The following WIZ variants were observed in gnomAD, a reference collection of about 807,000 sequenced individuals.
The protein encoded by WIZ is WIZ zinc finger.
WIZ carries 25 observed loss-of-function variants against 140.2 expected under a neutral mutation model. The observed-to-expected ratio is 0.18, with a 90% CI of 0.13 to 0.25. WIZ has a LOEUF of 0.25. Among genes scored for constraint, WIZ ranks in the 10% least tolerant of loss-of-function variants. The pLI is 1.00. For synonymous variants in WIZ, 1,125 were observed against 1,154.3 expected (o/e 0.97, Z 0.51); for missense variants, 2,231 against 2,632.6 (o/e 0.85, Z 3.34).
chr19:15,440,319 G>T lies in WIZ; in HGVS notation c.675C>A (p.Thr225=). 6.6e-7 allele frequency: 1 copy of T among 1,518,712 alleles called. No homozygotes were observed. The highest frequency in any genetic ancestry group is 1.4e-5 in the African/African-American group (1 of 72,674). The allele number at this position is 1,518,712 out of a possible 1,614,324, so 94.1% of individuals were successfully genotyped here. A position where few individuals can be genotyped will look rare whatever the true frequency, so the allele number is the denominator to read the frequency against. The part of the protein sequence containing the change: ...FRRVFVPVED[T]PKTLDMAVVG... ...CCACCGCCATGTCCAGCGTCTTCGGGGTGTCTTCCACTGGCACAAACACCC... is the reference window on the plus strand; with the variant it reads ...CCACCGCCATGTCCAGCGTCTTCGGTGTGTCTTCCACTGGCACAAACACCC... The change falls in exon 4 of 13, where the codon ACC becomes ACA. Residue 225 remains threonine, a synonymous_variant. Coordinates refer to ENST00000673675, the MANE Select transcript of WIZ (RefSeq NM_001371589.1). This position sits in a 1 kb window ranked among gnomAD's most constrained non-coding sequence, Gnocchi z 6.2.
Position 15,440,642 on chromosome 19 carries a change from T to C in WIZ, c.352A>G (p.Thr118Ala). The C allele has an allele frequency of 6.5e-7, 1 of 1,529,386 alleles. No homozygotes were observed. The highest frequency in any genetic ancestry group is 1.2e-5 in the South Asian group (1 of 83,954). The allele number at this position is 1,529,386 out of a possible 1,614,324, so 94.7% of individuals were successfully genotyped here. The change falls in exon 4 of 13, where the codon ACC becomes GCC. Residue 118 changes from threonine to alanine, a missense_variant. Thr to Ala is a moderately conservative substitution (Grantham distance 58). Around this residue, in one of 15 missense-constraint regions of WIZ, gnomAD observed 307 missense variants for 294.1 expected, o/e 1.04. Coordinates refer to ENST00000673675, the MANE Select transcript of WIZ (RefSeq NM_001371589.1). The surrounding 1 kb of genome is among the most constrained non-coding windows in gnomAD (Gnocchi z 6.2). ...PPHLLGHFPG[T>A]PDGRGPWEHP... ...TCCCAGGGCCCCCGGCCATCAGGGG[T>C]ACCTGGGAAATGGCCCAGGAGATGG...
chr19:15,449,294 G>C (rs35782405), intron 1 of WIZ, among the ~76,000 whole-genome samples: 1 of 152,078 alleles, frequency 6.6e-6, no homozygotes, highest in Admixed American at 6.5e-5. Context: ...CGCTGCCCTC[G>C]GGGGCCTGGG....
At chr19:15,446,163 C>T (rs940762787) in intron 2 of WIZ, among the ~76,000 whole-genome samples, 12 of 152,180 alleles carry the variant, frequency 7.9e-5, no homozygotes, top group Non-Finnish European at 7.4e-5. Context: ...CCACATTTCT[C>T]TCTTCCCCAA....
At position 15,438,802 on chromosome 19, in the gene WIZ, C is replaced by T; in HGVS notation, c.2192G>A (p.Gly731Glu). The T allele has an allele frequency of 5.9e-6, 9 of 1,518,930 alleles. No individual in the cohort carries two copies. The highest frequency in any genetic ancestry group is 7.9e-6 in the Non-Finnish European group (9 of 1,133,458). The allele number at this position is 1,518,930 out of a possible 1,614,324, so 94.1% of individuals were successfully genotyped here. A position where few individuals can be genotyped will look rare whatever the true frequency, so the allele number is the denominator to read the frequency against. Residue 731 changes from glycine to glutamate, a missense_variant, in exon 4 of 13, where the codon GGG becomes GAG. Coordinates refer to ENST00000673675, the MANE Select transcript of WIZ (RefSeq NM_001371589.1). The stretch of plus-strand genomic sequence containing the variant: ...ATCCCCATCCAGGAGTGTGTCCAGC[C>T]CCAGCGGGCCGCCCAGCGGCGCGTC... ...LLDAPLGGPL[G>E]LDTLLDGDPA...
Position 15,440,511 on chromosome 19 carries a change from A to T in WIZ, c.483T>A (p.Ser161=). Residue 161 remains serine (S), a synonymous_variant, in exon 4 of 13, where the codon TCT becomes TCA. Coordinates refer to ENST00000673675, the MANE Select transcript of WIZ (RefSeq NM_001371589.1). The surrounding 1 kb of genome is among the most constrained non-coding windows in gnomAD (Gnocchi z 6.2). ...TMKPHAELEG[S]RRFLHHRGEP... is the part of the protein sequence containing the mutation. ...CCCCCCGGTGGTGTAAGAACCTTCT[A>T]GAGCCCTCTAGCTCAGCGTGGGGTT... is the stretch of plus-strand genomic sequence containing the variant. 6.5e-7 allele frequency: 1 copy of T among 1,536,110 alleles called. No homozygotes were observed. The highest frequency in any genetic ancestry group is 8.7e-7 in the Non-Finnish European group (1 of 1,146,888).
Position 15,431,137 on chromosome 19 carries a change from G to C in WIZ, c.2786C>G (p.Ser929Cys). The part of the protein sequence containing the change: ...ENAMVAMDLG[S>C]PSLPKKSLPV... ...CAGGCTCTTCTTAGGGAGCGAGGGAGAGCCCAAGTCCATGGCCACCATTGC... is the reference window on the plus strand; with the variant it reads ...CAGGCTCTTCTTAGGGAGCGAGGGACAGCCCAAGTCCATGGCCACCATTGC... Residue 929 changes from serine (S) to cysteine (C), a missense_variant, in exon 6 of 13, where the codon TCT (serine) becomes TGT (cysteine). By Grantham distance (112) the Ser-to-Cys change is moderately radical. Coordinates refer to ENST00000673675, the MANE Select transcript of WIZ (RefSeq NM_001371589.1). 1.3e-6 allele frequency: 2 copies of C among 1,535,348 alleles called. No homozygotes were observed. Among genetic ancestry groups the C allele is most frequent in the Non-Finnish European group, 1.7e-6 (2 of 1,146,484 alleles).
At position 15,439,982 on chromosome 19, in the gene WIZ, G is replaced by A. The variant is rs1161514530; in HGVS notation, c.1012C>T (p.Arg338Cys). 8 of 1,535,692 alleles carry A rather than the reference G, an allele frequency of 5.2e-6. No individual in the cohort carries two copies. The highest frequency in any genetic ancestry group is 3.6e-5 in the South Asian group (3 of 84,066). ...GGGGGCTCCTGGCCCGGGGCTCGGC[G>A]GTGCTGGCTCATGTGCTCCAGGAGG... ...EHLLEHMSQH[R>C]RAPGQEPPAD... Residue 338 changes from arginine (R) to cysteine (C), a missense_variant, in exon 4 of 13, where the codon CGC (arginine) becomes TGC (cysteine). Transcript: ENST00000673675. The surrounding 1 kb of genome is among the most constrained non-coding windows in gnomAD (Gnocchi z 7.0).
Position 15,427,515 on chromosome 19 carries a change from G to A in WIZ, c.3833C>T (p.Ala1278Val). Reference sequence around the variant, plus strand: ...ACAGAACTCGCAGCGGATGTCTCGTGCTGGCTCTGGGCCTGAGGCTGCAGC... The same window carrying A: ...ACAGAACTCGCAGCGGATGTCTCGTACTGGCTCTGGGCCTGAGGCTGCAGC... ...PLNLSSGPEP[A>V]RDIRCEFCGE... The change falls in exon 9 of 13, where the codon GCA becomes GTA. Residue 1278 changes from alanine (A) to valine (V), a missense_variant. By Grantham distance (64) the Ala-to-Val change is moderately conservative (BLOSUM62 0). Around this residue, in one of 15 missense-constraint regions of WIZ, gnomAD observed 141 missense variants for 161.2 expected, o/e 0.87. Transcript: ENST00000673675. This position sits in a 1 kb window ranked among gnomAD's most constrained non-coding sequence, Gnocchi z 6.4. 1 of 1,609,416 alleles carries A rather than the reference G, an allele frequency of 6.2e-7. No individual in the cohort carries two copies. Among genetic ancestry groups the A allele is most frequent in the Non-Finnish European group, 8.5e-7 (1 of 1,177,034 alleles).
At chr19:15,425,145 G>A (rs780939848) in intron 10 of WIZ, 96 bp downstream of exon 10, 11 of 1,528,760 alleles carry the variant, frequency 7.2e-6, no homozygotes, top group Non-Finnish European at 9.6e-6. Flanking sequence ...CCAGCCATGG[G>A]GGCCCCACTT....
In WIZ at chr19:15,439,062, T is replaced by C. The variant is rs977996045; in HGVS notation, c.1932A>G (p.Leu644=). ...CCTGCGGGATGAGGCTGGGGGTGGC[T>C]AGGGGTGAAAAGACCCCATTTTCAG... is the stretch of plus-strand genomic sequence containing the variant. ...FSPENGVFSP[L]ATPSLIPQAA... Residue 644 remains leucine (L), a synonymous_variant, in exon 4 of 13, where the codon CTA becomes CTG. Coordinates refer to ENST00000673675, the MANE Select transcript of WIZ (RefSeq NM_001371589.1). The surrounding 1 kb of genome is among the most constrained non-coding windows in gnomAD (Gnocchi z 7.0). 1 of 1,493,190 alleles carries C rather than the reference T, an allele frequency of 6.7e-7. No homozygotes were observed. The highest frequency in any genetic ancestry group is 8.9e-7 in the Non-Finnish European group (1 of 1,124,708). The allele number at this position is 1,493,190 out of a possible 1,614,324, so 92.5% of individuals were successfully genotyped here. A position where few individuals can be genotyped will look rare whatever the true frequency, so the allele number is the denominator to read the frequency against.
rs540213228 is a variant in WIZ, at chr19:15,423,934, T to C, written c.5510+249A>G. The C allele has an allele frequency of 4.3e-5, 18 of 421,234 alleles. No homozygotes were observed. In the East Asian group the frequency reaches 6.2e-4, roughly 15 times the overall value. The allele number at this position is 421,234 out of a possible 1,614,324, so 26.1% of individuals were successfully genotyped here. ...CAACCCGCTTTTATGAGTGAGGAAA[T>C]TGAGGTAAGGAGCAGGTAAGTCCTT... On this transcript the variant is annotated intron_variant, in intron 12 of 12. Coordinates refer to ENST00000673675, the MANE Select transcript of WIZ (RefSeq NM_001371589.1).
At chr19:15,431,291 A>C (rs1969220416) in intron 5 of WIZ, 109 bp from the exon 6 acceptor site, 1 of 1,331,740 alleles carries the variant, frequency 7.5e-7, no homozygotes, top group African/African-American at 1.5e-5. Context: ...TCACTCTGCG[A>C]AGCGACTCAC....
chr19:15,440,578 G>A lies in WIZ; in HGVS notation c.416C>T (p.Ser139Phe). Residue 139 changes from serine to phenylalanine, a missense_variant, in exon 4 of 13, where the codon TCT becomes TTT. Around this residue, in one of 15 missense-constraint regions of WIZ, gnomAD observed 307 missense variants for 294.1 expected, o/e 1.04. Transcript: ENST00000673675. The surrounding 1 kb of genome is among the most constrained non-coding windows in gnomAD (Gnocchi z 6.2). Reference protein sequence around the residue: ...LVQEAGEGILSERRFEDSVIV... With the variant: ...LVQEAGEGILFERRFEDSVIV... ...GACTGAGTCCTCGAATCTCCGCTCA[G>A]ATAGGATGCCCTCCCCAGCCTCCTG... 2.6e-6 allele frequency: 4 copies of A among 1,536,174 alleles called. No homozygotes were observed. The highest frequency in any genetic ancestry group is 3.5e-6 in the Non-Finnish European group (4 of 1,146,882).
intron 9 of WIZ, among the ~76,000 whole-genome samples, chr19:15,426,518 A>G (rs565348449): frequency 6.2e-4 from 95 of 152,348 alleles, no homozygotes; most frequent in Non-Finnish European, 9.6e-4. Context: ...AACTTGCCCA[A>G]GGTCACATAA....
At chr19:15,446,435 T>C (rs575059831) in intron 2 of WIZ, among the ~76,000 whole-genome samples, 3 of 152,272 alleles carry the variant, frequency 2.0e-5, no homozygotes, top group East Asian at 1.9e-4. Flanking sequence ...TCTCTGAGCC[T>C]CAGTTATTAA....
At position 15,431,045 on chromosome 19, in the gene WIZ, G is replaced by A. The variant is rs1014169417; in HGVS notation, c.2878C>T (p.His960Tyr). The change falls in exon 6 of 13, where the codon CAT becomes TAT. Residue 960 changes from histidine to tyrosine, a missense_variant. This residue lies in a region of WIZ where 137 missense variants were observed against 135.8 expected (regional missense o/e 1.01). Transcript: ENST00000673675. ...TCCTGCAGCTCCTGTTTGCTGCCAT[G>A]AGGAACCTCTGCAGCCACTTTGCTG... ...LSSKVAAEVP[H>Y]GSKQELQDLK... 2 of 1,535,726 alleles carry A rather than the reference G, an allele frequency of 1.3e-6. No homozygotes were observed. The highest frequency in any genetic ancestry group is 1.4e-5 in the African/African-American group (1 of 73,168).
At position 15,439,596 on chromosome 19, in the gene WIZ, A is replaced by G. The variant is rs942237176; in HGVS notation, c.1398T>C (p.Cys466=). 2.7e-6 allele frequency: 4 copies of G among 1,481,758 alleles called. No individual in the cohort carries two copies. Among genetic ancestry groups the G allele is most frequent in the Non-Finnish European group, 3.6e-6 (4 of 1,118,364 alleles). The allele number at this position is 1,481,758 out of a possible 1,614,324, so 91.8% of individuals were successfully genotyped here. The change falls in exon 4 of 13, where the codon TGT becomes TGC. Residue 466 remains cysteine, a synonymous_variant. Transcript: ENST00000673675. The surrounding 1 kb of genome is among the most constrained non-coding windows in gnomAD (Gnocchi z 7.0). The part of the protein sequence containing the change: ...PYGAAVGLSA[C]VFCGFPAPSE... ...TGGGCGCGGGGAAACCACAGAAGAC[A>G]CAGGCGCTGAGGCCAACGGCAGCTC...
rs1968878943 is a variant in WIZ, at chr19:15,427,114, T to C, written c.4234A>G (p.Lys1412Glu). The C allele has an allele frequency of 2.5e-6, 4 of 1,614,072 alleles. No homozygotes were observed. The highest frequency in any genetic ancestry group is 1.3e-5 in the African/African-American group (1 of 74,940). Residue 1412 changes from lysine (K) to glutamate (E), a missense_variant, in exon 9 of 13, where the codon AAG (lysine) becomes GAG (glutamate). Physicochemically the swap from Lys to Glu is moderately conservative, Grantham distance 56. This residue lies in a region of WIZ where 393 missense variants were observed against 451.7 expected (regional missense o/e 0.87). Coordinates refer to ENST00000673675, the MANE Select transcript of WIZ (RefSeq NM_001371589.1). This position sits in a 1 kb window ranked among gnomAD's most constrained non-coding sequence, Gnocchi z 6.4. ...CGTATTTGTTCAGGCTTCAGCTTCT[T>C]GGGCAAGGAGGGTGCAGCCAGGCCT... is the stretch of plus-strand genomic sequence containing the variant. The part of the protein sequence containing the change: ...FPGLAAPSLP[K>E]KLKPEQIRVE...
At position 15,440,656 on chromosome 19, in the gene WIZ, C is replaced by T. The variant is rs540578967; in HGVS notation, c.338G>A (p.Gly113Asp). 3.6e-4 allele frequency: 545 copies of T among 1,526,566 alleles called. No individual in the cohort carries two copies. Among genetic ancestry groups the T allele is most frequent in the Non-Finnish European group, 4.4e-4 (507 of 1,139,872 alleles). 94.6% of individuals were successfully genotyped at this position (1,526,566 alleles called of 1,614,324 possible). A position where few individuals can be genotyped will look rare whatever the true frequency, so the allele number is the denominator to read the frequency against. ...GCCATCAGGGGTACCTGGGAAATGG[C>T]CCAGGAGATGGGGTGGTGGGGAGCC... ...RPGSPPPHLL[G>D]HFPGTPDGRG... The change falls in exon 4 of 13, where the codon GGC becomes GAC. Residue 113 changes from glycine (G) to aspartate (D), a missense_variant. This residue lies in a region of WIZ where 307 missense variants were observed against 294.1 expected (regional missense o/e 1.04). Transcript: ENST00000673675. The surrounding 1 kb of genome is among the most constrained non-coding windows in gnomAD (Gnocchi z 6.2).
Sources: allele counts gnomAD v4.1 joint callset (sites outside exome capture counted in the v4.1 genomes callset), GRCh38; gene constraint gnomAD v4.1.1; regional missense constraint gnomAD v4.1.1; non-coding constraint Gnocchi (gnomAD v3.1); transcripts MANE v1.5; gene names NCBI Gene and HGNC (gene_info 2026-07-23, HGNC 2026-07-21).